The following MTHFSD variants were observed in gnomAD, a reference collection of about 807,000 sequenced individuals.
MTHFSD encodes methenyltetrahydrofolate synthetase domain containing.
Under a neutral mutation model 31.1 loss-of-function variants are expected in MTHFSD, and 37 were observed. That is an observed-to-expected ratio of 1.19 (90% CI 0.91 to 1.56). The LOEUF (loss-of-function observed/expected upper bound fraction) is 1.56. MTHFSD is among the 40% of genes most tolerant of loss of function. The probability of loss-of-function intolerance (pLI) is 0.00; values close to 1 mark genes in which losing one functional copy is unlikely to be tolerated. For synonymous variants in MTHFSD, 221 were observed against 206.9 expected, an observed-to-expected ratio of 1.07 and a Z score of -0.59; for missense variants, 664 against 510.1, an observed-to-expected ratio of 1.30 and a Z score of -2.91.
At chr16:86,548,012 T>C in intron 4 of MTHFSD, 2 of 1,280,688 alleles carry the variant, frequency 1.6e-6, no homozygotes, top group Non-Finnish European at 2.0e-6. Context: ...ATCTTAAATA[T>C]GTAATTATCA....
intron 5 of MTHFSD, among the ~76,000 whole-genome samples, chr16:86,545,995 C>G (rs532682760): frequency 1.3e-5 from 2 of 152,350 alleles, no homozygotes; most frequent in African/African-American, 4.8e-5. Context: ...GTGACCCTGC[C>G]CTCTTAGCAA....
intron 7 of MTHFSD, among the ~76,000 whole-genome samples, chr16:86,540,191 T>C (rs1971298747): frequency 6.6e-6 from 1 of 152,148 alleles, no homozygotes; most frequent in South Asian, 2.1e-4. Context: ...GATTATCAGG[T>C]GGTGAAACTG....
rs1327369444 is a variant in MTHFSD, at chr16:86,541,289, A to C, written c.681+408T>G. On this transcript the variant is annotated intron_variant, in intron 7 of 7. Coordinates refer to ENST00000360900, the MANE Select transcript of MTHFSD (RefSeq NM_001159377.2). ...GATCTGCTTGAAGATCCAGATCGTC[A>C]GTAAAAAAAAAAAAAAAATCTGGAT... is the stretch of plus-strand genomic sequence containing the variant. The C allele has an allele frequency of 1.4e-5, 14 of 1,025,296 alleles. No homozygotes were observed. In the African/African-American group the frequency reaches 2.5e-4, roughly 18 times the overall value. The allele number at this position is 1,025,296 out of a possible 1,614,324, so 63.5% of individuals were successfully genotyped here.
intron 1 of MTHFSD, 117 bp downstream of exon 1, chr16:86,555,052 G>A: frequency 1.4e-6 from 2 of 1,471,872 alleles, no homozygotes; most frequent in Non-Finnish European, 9.0e-7. Context: ...CTCCTCGGCC[G>A]CTTCCGGTGA....
intron 3 of MTHFSD, among the ~76,000 whole-genome samples, chr16:86,550,688 C>A (rs1973016559): frequency 1.3e-5 from 2 of 152,238 alleles, no homozygotes; most frequent in South Asian, 2.1e-4. Flanking sequence ...GCAGTGACTG[C>A]CGACTGCCGT....
chr16:86,549,445 T>C (rs1465554147), intron 3 of MTHFSD, among the ~76,000 whole-genome samples: 1 of 152,252 alleles, frequency 6.6e-6, no homozygotes, highest in Non-Finnish European at 1.5e-5. Flanking sequence ...GTTTGGCCTA[T>C]TTCAACAAAG....
At chr16:86,546,482 G>T in intron 5 of MTHFSD, 77 bp downstream of exon 5, 2 of 1,335,284 alleles carry the variant, frequency 1.5e-6, no homozygotes, top group Non-Finnish European at 1.1e-6. Context: ...GGCGACTTTT[G>T]AAAGACAAAC....
intron 3 of MTHFSD, among the ~76,000 whole-genome samples, chr16:86,550,498 T>G (rs1972981584): frequency 6.6e-6 from 1 of 152,216 alleles, no homozygotes; most frequent in Non-Finnish European, 1.5e-5. Flanking sequence ...GGACTGGCTC[T>G]GGAGTCAGGT....
At chr16:86,554,263 C>T (rs975275450) in intron 2 of MTHFSD, among the ~76,000 whole-genome samples, 1 of 152,222 alleles carries the variant, frequency 6.6e-6, no homozygotes, top group Non-Finnish European at 1.5e-5. Context: ...AGACCGTGAA[C>T]CCACCAGAAG....
At chr16:86,552,181 C>A (rs776227085) in intron 2 of MTHFSD, 35 bp from the exon 3 acceptor site, 29 of 1,614,108 alleles carry the variant, frequency 1.8e-5, no homozygotes, top group Non-Finnish European at 2.5e-5. Context: ...GCACTTACTT[C>A]AAGGACGAAG....
At chr16:86,546,717 A>G in intron 4 of MTHFSD, 68 bp from the exon 5 acceptor site, 2 of 1,336,380 alleles carry the variant, frequency 1.5e-6, no homozygotes, top group South Asian at 2.4e-5. Flanking sequence ...ATTCATGATC[A>G]AAGTGCACTC....
intron 7 of MTHFSD, chr16:86,540,681 C>T: frequency 4.1e-6 from 4 of 987,602 alleles, no homozygotes; most frequent in Non-Finnish European, 4.8e-6. Context: ...AAGCTGTGGA[C>T]CAGAGTTCCC....
chr16:86,541,853 G>T (rs774550738), intron 6 of MTHFSD, 31 bp from the exon 7 acceptor site: 4 of 1,612,392 alleles, frequency 2.5e-6, no homozygotes, highest in Admixed American at 3.3e-5. Flanking sequence ...TAAAGGGGCT[G>T]CTGGGAATGC....
chr16:86,546,601 C>A lies in MTHFSD; in HGVS notation c.400G>T (p.Val134Leu). 2 of 1,614,000 alleles carry A rather than the reference C, an allele frequency of 1.2e-6. No individual in the cohort carries two copies. Among genetic ancestry groups the A allele is most frequent in the Non-Finnish European group, 1.7e-6 (2 of 1,180,038 alleles). Residue 134 changes from valine (V) to leucine (L), a missense_variant, in exon 5 of 8, where the codon GTG becomes TTG. Physicochemically the swap from Val to Leu is conservative, Grantham distance 32 (BLOSUM62 1). Coordinates refer to ENST00000360900, the MANE Select transcript of MTHFSD (RefSeq NM_001159377.2). Reference protein sequence around the residue: ...VPIGLDSRVLVDLVVVGSVAV... With the variant: ...VPIGLDSRVLLDLVVVGSVAV... ...ACGGATCCCACCACAACTAAATCCA[C>A]GAGGACTCTGGAGTCCAAGCCTATG...
chr16:86,550,585 A>G (rs1972993293), intron 3 of MTHFSD, among the ~76,000 whole-genome samples: 1 of 152,186 alleles, frequency 6.6e-6, no homozygotes, highest in African/African-American at 2.4e-5. Context: ...TCTGGTTTCA[A>G]GTGTCACAGA....
rs1296154324 is a variant in MTHFSD, at chr16:86,548,726, A to C, written c.238-149T>G. 4.8e-6 allele frequency: 3 copies of C among 622,512 alleles called. No individual in the cohort carries two copies. In the African/African-American group the frequency reaches 5.7e-5, roughly 12 times the overall value. The allele number at this position is 622,512 out of a possible 1,614,324, so 38.6% of individuals were successfully genotyped here. A position where few individuals can be genotyped will look rare whatever the true frequency, so the allele number is the denominator to read the frequency against. On this transcript the variant is annotated intron_variant, in intron 3 of 7. Transcript: ENST00000360900. The stretch of plus-strand genomic sequence containing the variant: ...GTGTGCCAAGGAAATTACTTATTTG[A>C]AAACCTAATTAAATAATGTGTGGGG...
intron 3 of MTHFSD, among the ~76,000 whole-genome samples, chr16:86,550,322 T>C (rs1207891805): frequency 6.6e-6 from 1 of 152,246 alleles, no homozygotes; most frequent in Non-Finnish European, 1.5e-5. Context: ...ACTTATGCAG[T>C]TGTTTCTTCA....
chr16:86,542,082 G>A lies in MTHFSD; in HGVS notation c.555+19C>T, dbSNP rs973294466. 2 of 1,602,434 alleles carry A rather than the reference G, an allele frequency of 1.2e-6. No individual in the cohort carries two copies. Among genetic ancestry groups the A allele is most frequent in the African/African-American group, 2.7e-5 (2 of 74,826 alleles). On this transcript the variant is annotated intron_variant, in intron 6 of 7. Coordinates refer to ENST00000360900, the MANE Select transcript of MTHFSD (RefSeq NM_001159377.2). This position sits in a 1 kb window ranked among gnomAD's most constrained non-coding sequence, Gnocchi z 4.6. Reference sequence around the variant, plus strand: ...AAGAGAATGGCAGTGGCTCTGCTCAGCCCATTCATAAGGAGCACCTGGCAG... The same window carrying A: ...AAGAGAATGGCAGTGGCTCTGCTCAACCCATTCATAAGGAGCACCTGGCAG...
rs536788444 is a variant in MTHFSD, at chr16:86,550,766, G to C, written c.237+1267C>G. 7.2e-5 allele frequency among the ~76,000 whole-genome samples: 11 copies of C among 152,314 alleles called. No individual in the cohort carries two copies. The South Asian group carries it at 2.3e-3, about 32-fold the overall frequency. On this transcript the variant is annotated intron_variant, in intron 3 of 7. Coordinates refer to ENST00000360900, the MANE Select transcript of MTHFSD (RefSeq NM_001159377.2). The stretch of plus-strand genomic sequence containing the variant: ...AATGATTCATTAACTGGGAAAATAA[G>C]GCTGACAGGAAGCTATGCTTCTGGA...
Sources: allele counts gnomAD v4.1 joint callset (sites outside exome capture counted in the v4.1 genomes callset), GRCh38; gene constraint gnomAD v4.1.1; non-coding constraint Gnocchi (gnomAD v3.1); transcripts MANE v1.5; gene names NCBI Gene and HGNC (gene_info 2026-07-23, HGNC 2026-07-21).